MAPK10: variants seen among roughly 807,000 people sequenced by gnomAD.
MAPK10 encodes the protein JNK3 alpha protein kinase.
In MAPK10, 25 loss-of-function variants were observed where a neutral mutation model predicts 59.3. The observed-to-expected ratio is 0.42, with a 90% CI of 0.31 to 0.59. MAPK10 has a LOEUF of 0.59. Ranked by LOEUF, MAPK10 falls within the 20% of genes least tolerant of loss-of-function variation. MAPK10 has a pLI of 0.15. For missense variants in MAPK10, 351 were observed against 568.9 expected, an observed-to-expected ratio of 0.62 and a Z score of 3.90; for synonymous variants, 190 against 200.5, an observed-to-expected ratio of 0.95 and a Z score of 0.44.
At chr4:86,556,390 C>CA (rs1200052547) in intron 1 of MAPK10, among the ~76,000 whole-genome samples, 1 of 151,860 alleles carries the variant, frequency 6.6e-6, no homozygotes, top group African/African-American at 2.4e-5. Flanking sequence ...ATTTTTTTTA[C>CA]AAAATTCTAG....
At chr4:86,355,246 T>C (rs1339115060) in intron 1 of MAPK10, among the ~76,000 whole-genome samples, 1 of 152,074 alleles carries the variant, frequency 6.6e-6, no homozygotes, top group African/African-American at 2.4e-5. Flanking sequence ...TGTCAAACCA[T>C]AAGTTTTTAT....
intron 1 of MAPK10, chr4:86,358,349 G>T: frequency 1.0e-6 from 1 of 985,434 alleles, no homozygotes; most frequent in Non-Finnish European, 1.2e-6. Context: ...ATTGGATGTT[G>T]TGCTGGCAAT....
At chr4:86,378,832 G>T (rs1740222362) in intron 1 of MAPK10, among the ~76,000 whole-genome samples, 1 of 152,188 alleles carries the variant, frequency 6.6e-6, no homozygotes, top group Admixed American at 6.6e-5. Context: ...ACTAGGGCAG[G>T]CTTTAAACAT....
chr4:86,380,443 C>T (rs987537692), intron 1 of MAPK10, among the ~76,000 whole-genome samples: 12 of 152,074 alleles, frequency 7.9e-5, no homozygotes, highest in African/African-American at 2.9e-4. Context: ...TTTGCACAAG[C>T]CTTAACACAG....
intron 1 of MAPK10, among the ~76,000 whole-genome samples, chr4:86,394,541 T>G (rs959347790): frequency 3.3e-5 from 5 of 152,174 alleles, no homozygotes. Context: ...AAAATAATTT[T>G]TAATTATTAA....
chr4:86,111,521 A>T (rs1456917120), intron 4 of MAPK10, among the ~76,000 whole-genome samples: 1 of 152,118 alleles, frequency 6.6e-6, no homozygotes, highest in Non-Finnish European at 1.5e-5. Context: ...TGATGTGATG[A>T]ACTTCATTTA....
chr4:86,390,768 A>G (rs1006820286), intron 1 of MAPK10, among the ~76,000 whole-genome samples: 6 of 152,160 alleles, frequency 3.9e-5, no homozygotes, highest in South Asian at 2.1e-4. Context: ...TACACATCCA[A>G]TCGTGAAGGT....
intron 1 of MAPK10, among the ~76,000 whole-genome samples, chr4:86,423,990 C>T (rs1459744048): frequency 1.3e-5 from 2 of 151,658 alleles, no homozygotes; most frequent in African/African-American, 4.8e-5. Flanking sequence ...TTATAATATT[C>T]ATATGTAGAA....
At chr4:86,422,759 G>GAC (rs1419817897) in intron 1 of MAPK10, among the ~76,000 whole-genome samples, 2 of 152,184 alleles carry the variant, frequency 1.3e-5, no homozygotes, top group Non-Finnish European at 2.9e-5. Context: ...AAGGGTATAT[G>GAC]ACACACAGGA....
At chr4:86,572,906 A>G (rs1364782850) in intron 1 of MAPK10, among the ~76,000 whole-genome samples, 2 of 152,212 alleles carry the variant, frequency 1.3e-5, no homozygotes, top group African/African-American at 4.8e-5. Flanking sequence ...TTCGGTGAAT[A>G]TCATGTGTTT....
intron 2 of MAPK10, among the ~76,000 whole-genome samples, chr4:86,270,802 T>G (rs1388907961): frequency 6.6e-6 from 1 of 152,146 alleles, no homozygotes; most frequent in Non-Finnish European, 1.5e-5. Flanking sequence ...CTGGCTGATT[T>G]TTCTCAGAAT....
chr4:86,524,263 G>A (rs1489945530), intron 1 of MAPK10, among the ~76,000 whole-genome samples: 1 of 152,078 alleles, frequency 6.6e-6, no homozygotes, highest in African/African-American at 2.4e-5. Flanking sequence ...TTCTGTTATG[G>A]TAACACAAAA....
At chr4:86,437,994 A>T (rs1748966337) in intron 1 of MAPK10, among the ~76,000 whole-genome samples, 1 of 152,266 alleles carries the variant, frequency 6.6e-6, no homozygotes, top group Non-Finnish European at 1.5e-5. Flanking sequence ...CAAAAATGAA[A>T]GTATATGCTG....
intron 1 of MAPK10, among the ~76,000 whole-genome samples, chr4:86,471,234 A>G (rs1214850832): frequency 6.9e-6 from 1 of 144,138 alleles, no homozygotes; most frequent in East Asian, 2.0e-4. Flanking sequence ...ATGCCATTGC[A>G]CTCCAGCCTG....
chr4:86,397,674 C>T (rs925444638), intron 1 of MAPK10, among the ~76,000 whole-genome samples: 10 of 151,934 alleles, frequency 6.6e-5, no homozygotes, highest in Non-Finnish European at 1.3e-4. Context: ...GGGCAATACC[C>T]TTGTTCTTGC....
At chr4:86,571,819 A>G (rs1425693974) in intron 1 of MAPK10, among the ~76,000 whole-genome samples, 1 of 152,170 alleles carries the variant, frequency 6.6e-6, no homozygotes, top group Non-Finnish European at 1.5e-5. Context: ...GGTCAGCTAC[A>G]TTATGTAACG....
At chr4:86,366,323 G>A (rs1409917979) in intron 1 of MAPK10, among the ~76,000 whole-genome samples, 1 of 152,128 alleles carries the variant, frequency 6.6e-6, no homozygotes, top group East Asian at 1.9e-4. Context: ...TGATAGAGAT[G>A]TGAGTTATAT....
At chr4:86,584,258 C>T (rs988452244) in intron 1 of MAPK10, among the ~76,000 whole-genome samples, 1 of 152,140 alleles carries the variant, frequency 6.6e-6, no homozygotes, top group Non-Finnish European at 1.5e-5. Context: ...ACAATCCCTA[C>T]AACATCAAGA....
chr4:86,471,913 A>G (rs1185641487), intron 1 of MAPK10, among the ~76,000 whole-genome samples: 1 of 152,210 alleles, frequency 6.6e-6, no homozygotes, highest in Non-Finnish European at 1.5e-5. Context: ...TTGTCTTTTA[A>G]TAAAATTACA....
Sources: allele counts gnomAD v4.1 joint callset (sites outside exome capture counted in the v4.1 genomes callset), GRCh38; gene constraint gnomAD v4.1.1; transcripts MANE v1.5; gene names NCBI Gene and HGNC (gene_info 2026-07-23, HGNC 2026-07-21).